CTNNA3: variants seen among roughly 807,000 people sequenced by gnomAD.
CTNNA3 encodes catenin alpha-3.
In CTNNA3, 76 loss-of-function variants were observed where a neutral mutation model predicts 95.7. That is an observed-to-expected ratio of 0.79 (90% CI 0.66 to 0.96). The LOEUF (loss-of-function observed/expected upper bound fraction) is 0.96, where lower values mean the gene tolerates loss of function less well. CTNNA3 is among the 40% of genes least tolerant of loss of function. The pLI is 0.00. For missense variants in CTNNA3, 1,191 were observed against 1,089.8 expected, an observed-to-expected ratio of 1.09 and a Z score of -1.31; for synonymous variants, 431 against 374.4, an observed-to-expected ratio of 1.15 and a Z score of -1.74.
At chr10:67,453,049 G>T (rs1465967806) in intron 5 of CTNNA3, among the ~76,000 whole-genome samples, 1 of 152,024 alleles carries the variant, frequency 6.6e-6, no homozygotes, top group African/African-American at 2.4e-5. Context: ...AAAGAGTGGG[G>T]CCATGTTACC....
Position 66,449,216 on chromosome 10 carries a change from G to T in CTNNA3, c.1532-69864C>A, listed in dbSNP as rs2093445796. ...AATTACAAAGTAAAGGTGCTGGGGGGACATTCATCTACATTGAGTGCTGAA... is the reference window on the plus strand; with the variant it reads ...AATTACAAAGTAAAGGTGCTGGGGGTACATTCATCTACATTGAGTGCTGAA... On this transcript the variant is annotated intron_variant, in intron 11 of 17. Transcript: ENST00000433211. 3.3e-5 allele frequency among the ~76,000 whole-genome samples: 5 copies of T among 152,146 alleles called. No homozygotes were observed. The South Asian group carries it at 8.3e-4, about 25-fold the overall frequency.
At chr10:67,331,420 T>C (rs966853019) in intron 5 of CTNNA3, among the ~76,000 whole-genome samples, 2 of 152,084 alleles carry the variant, frequency 1.3e-5, no homozygotes, top group African/African-American at 2.4e-5. Context: ...ACAAAACAAT[T>C]CATTTAAGGC....
intron 9 of CTNNA3, among the ~76,000 whole-genome samples, chr10:66,626,607 A>G (rs1844944743): frequency 6.6e-6 from 1 of 152,128 alleles, no homozygotes; most frequent in South Asian, 2.1e-4. Flanking sequence ...GAGATGAAAT[A>G]TTTCTCTCAA....
At chr10:66,326,411 T>C (rs967824588) in intron 12 of CTNNA3, among the ~76,000 whole-genome samples, 5 of 152,076 alleles carry the variant, frequency 3.3e-5, no homozygotes, top group African/African-American at 1.2e-4. Flanking sequence ...GGCCTCCATC[T>C]ATGGGATTGG....
At chr10:66,462,363 T>C (rs1589284598) in intron 11 of CTNNA3, among the ~76,000 whole-genome samples, 1 of 152,110 alleles carries the variant, frequency 6.6e-6, no homozygotes, top group African/African-American at 2.4e-5. Flanking sequence ...TAATTTGGAG[T>C]CTTTTACCTT....
intron 7 of CTNNA3, among the ~76,000 whole-genome samples, chr10:67,165,285 AAC>A: frequency 6.6e-6 from 1 of 152,324 alleles, no homozygotes; most frequent in Non-Finnish European, 1.5e-5. Flanking sequence ...CCATTTATAA[AAC>A]ACTGTATAAT....
chr10:66,267,037 A>C (rs914169930), intron 13 of CTNNA3, among the ~76,000 whole-genome samples: 18 of 151,984 alleles, frequency 1.2e-4, no homozygotes, highest in African/African-American at 3.9e-4. Flanking sequence ...TTGCTTAAAG[A>C]ATCTCAATTT....
intron 1 of CTNNA3, among the ~76,000 whole-genome samples, chr10:67,759,793 T>C (rs990885710): frequency 6.6e-6 from 1 of 152,154 alleles, no homozygotes; most frequent in African/African-American, 2.4e-5. Flanking sequence ...GGGTAGCCTA[T>C]AGGAACTGAA....
intron 7 of CTNNA3, among the ~76,000 whole-genome samples, chr10:66,958,708 T>C (rs1342232414): frequency 6.6e-6 from 1 of 152,216 alleles, no homozygotes; most frequent in East Asian, 1.9e-4. Flanking sequence ...GAGCCAAATT[T>C]GACAAAGGAA....
At chr10:66,210,094 T>A (rs1223466416) in intron 13 of CTNNA3, among the ~76,000 whole-genome samples, 1 of 151,922 alleles carries the variant, frequency 6.6e-6, no homozygotes, top group African/African-American at 2.4e-5. Context: ...ATACCCAGGG[T>A]GGGTTAATTT....
intron 12 of CTNNA3, among the ~76,000 whole-genome samples, chr10:66,355,706 AT>A (rs573127219): frequency 2.1e-5 from 3 of 145,898 alleles, no homozygotes; most frequent in South Asian, 2.2e-4. Flanking sequence ...TTCACAGAGG[AT>A]TTTTTTTAAC....
chr10:65,992,862 T>G (rs1415586502), intron 15 of CTNNA3, among the ~76,000 whole-genome samples: 1 of 152,130 alleles, frequency 6.6e-6, no homozygotes, highest in Non-Finnish European at 1.5e-5. Context: ...TAGTTTTTTA[T>G]AGTAGGAATT....
At chr10:67,503,880 A>G (rs1295936481) in intron 5 of CTNNA3, among the ~76,000 whole-genome samples, 4 of 152,196 alleles carry the variant, frequency 2.6e-5, no homozygotes, top group South Asian at 2.1e-4. Context: ...ACATTCAGCC[A>G]GGCGCGGTGG....
At chr10:66,399,484 A>C (rs1247503362) in intron 11 of CTNNA3, among the ~76,000 whole-genome samples, 1 of 151,980 alleles carries the variant, frequency 6.6e-6, no homozygotes, top group Non-Finnish European at 1.5e-5. Flanking sequence ...GGCACCCTAC[A>C]TTCCATCCTA....
chr10:67,480,672 T>C (rs1409823010), intron 5 of CTNNA3, among the ~76,000 whole-genome samples: 1 of 152,226 alleles, frequency 6.6e-6, no homozygotes, highest in Non-Finnish European at 1.5e-5. Flanking sequence ...AGCTAATCTA[T>C]AACCTATAGA....
At chr10:67,657,847 CAA>C (rs200763142) in intron 1 of CTNNA3, among the ~76,000 whole-genome samples, 2 of 40,418 alleles carry the variant, frequency 4.9e-5, no homozygotes, top group Non-Finnish European at 1.2e-4. Flanking sequence ...AATTCCATCT[CAA>C]AAAAAAAAAA....
chr10:67,660,817 G>C (rs959314896), intron 1 of CTNNA3, among the ~76,000 whole-genome samples: 3 of 151,762 alleles, frequency 2.0e-5, no homozygotes, highest in African/African-American at 7.3e-5. Flanking sequence ...TGTAGTCCCA[G>C]CTATTCGAGA....
chr10:65,929,157 A>T (rs1293505839), intron 17 of CTNNA3, among the ~76,000 whole-genome samples: 1 of 151,978 alleles, frequency 6.6e-6, no homozygotes, highest in African/African-American at 2.4e-5. Context: ...TAGTTTACTG[A>T]GAATGATGGT....
At chr10:66,885,026 T>C (rs946962135) in intron 7 of CTNNA3, among the ~76,000 whole-genome samples, 2 of 152,152 alleles carry the variant, frequency 1.3e-5, no homozygotes, top group African/African-American at 2.4e-5. Context: ...CTGTATGTGA[T>C]GTATCAAAGG....
Sources: allele counts gnomAD v4.1 joint callset (sites outside exome capture counted in the v4.1 genomes callset), GRCh38; gene constraint gnomAD v4.1.1; transcripts MANE v1.5; gene names NCBI Gene and HGNC (gene_info 2026-07-23, HGNC 2026-07-21).